Variants in MNAT1 observed in about 807,000 individuals in gnomAD.
The protein encoded by MNAT1 is CDK-activating kinase assembly factor MAT1.
In MNAT1, 43 loss-of-function variants were observed where a neutral mutation model predicts 42.0. The observed-to-expected ratio is 1.02, with a 90% CI of 0.80 to 1.32. The LOEUF (loss-of-function observed/expected upper bound fraction) is 1.32. MNAT1 is among the 40% of genes most tolerant of loss of function. MNAT1 has a pLI of 0.00. For missense variants in MNAT1, 306 were observed against 350.4 expected (o/e 0.87, Z 1.01); for synonymous variants, 118 against 120.0 (o/e 0.98, Z 0.11).
At chr14:60,809,787 TG>T (rs1367629446) in intron 4 of MNAT1, among the ~76,000 whole-genome samples, 2 of 152,178 alleles carry the variant, frequency 1.3e-5, no homozygotes, top group African/African-American at 4.8e-5. Flanking sequence ...TTTGCATTTT[TG>T]TTCATCAGGG....
intron 6 of MNAT1, among the ~76,000 whole-genome samples, chr14:60,871,161 A>G (rs978029364): frequency 5.3e-5 from 8 of 152,210 alleles, no homozygotes; most frequent in Admixed American, 2.0e-4. Flanking sequence ...ATATGAATGT[A>G]CCACCCCATT....
At chr14:60,889,471 A>T (rs1314621849) in intron 7 of MNAT1, among the ~76,000 whole-genome samples, 1 of 152,166 alleles carries the variant, frequency 6.6e-6, no homozygotes, top group East Asian at 1.9e-4. Flanking sequence ...TAAAGACTTA[A>T]ACGTTAGATC....
intron 7 of MNAT1, among the ~76,000 whole-genome samples, chr14:60,962,985 T>G (rs71416080): frequency 6.6e-6 from 1 of 152,108 alleles, no homozygotes; most frequent in African/African-American, 2.4e-5. Flanking sequence ...ATGTTTTTTG[T>G]TTTTTGTTTT....
intron 6 of MNAT1, among the ~76,000 whole-genome samples, chr14:60,847,300 A>G (rs1443812018): frequency 6.6e-6 from 1 of 151,362 alleles, no homozygotes. Context: ...GCTACTCAGG[A>G]GGCTGAGGCA....
intron 7 of MNAT1, among the ~76,000 whole-genome samples, chr14:60,918,140 A>G (rs2035568314): frequency 6.7e-6 from 1 of 150,006 alleles, no homozygotes; most frequent in Admixed American, 6.7e-5. Context: ...TAATTGCAAA[A>G]GATTCTCACT....
rs142190781 is a variant in MNAT1 at position 60,932,578 on chromosome 14, T to C, written c.810-35651T>C. Among the ~76,000 whole-genome samples, 814 of 152,126 alleles carry C rather than the reference T, an allele frequency of 5.4e-3. 7 individuals carry two copies. Among genetic ancestry groups the C allele is most frequent in the African/African-American group, 0.018 (762 of 41,556 alleles). Reference sequence around the variant, plus strand: ...TTTTCTTTATTCTTTAAATGTTAGATAGATTTTAGTTTACCACTTTAGAAA... The same window carrying C: ...TTTTCTTTATTCTTTAAATGTTAGACAGATTTTAGTTTACCACTTTAGAAA... On this transcript the variant is annotated intron_variant, in intron 7 of 7. Transcript: ENST00000261245.
intron 1 of MNAT1, among the ~76,000 whole-genome samples, chr14:60,741,811 A>G (rs1452741003): frequency 6.6e-6 from 1 of 151,710 alleles, no homozygotes; most frequent in Non-Finnish European, 1.5e-5. Context: ...CCTGGCCCCC[A>G]TCCATTTACT....
chr14:60,928,165 G>A (rs769389238), intron 7 of MNAT1, among the ~76,000 whole-genome samples: 1 of 152,030 alleles, frequency 6.6e-6, no homozygotes, highest in Non-Finnish European at 1.5e-5. Context: ...TGTTTCTGAG[G>A]TTCATATTGT....
At chr14:60,946,569 T>C (rs916440272) in intron 7 of MNAT1, among the ~76,000 whole-genome samples, 1 of 152,178 alleles carries the variant, frequency 6.6e-6, no homozygotes, top group Non-Finnish European at 1.5e-5. Flanking sequence ...CTGAATCCTT[T>C]TGGCCAGTTC....
In MNAT1 at chr14:60,818,728, T is replaced by G. The variant is rs1482994632; in HGVS notation, c.568T>G (p.Ser190Ala). ...ACTTGAACTATTCTTACAGGAGAGT[T>G]CTGATCTCCCTGTTGCTCTGCTTTT... ...KQAFLDELES[S>A]DLPVALLLAQ... is the part of the protein sequence containing the mutation. The change falls in exon 6 of 8, where the codon TCT becomes GCT. Residue 190 changes from serine to alanine, a missense_variant. This residue lies in a region of MNAT1 where 118 missense variants were observed against 99.8 expected (regional missense o/e 1.18). Coordinates refer to ENST00000261245, the MANE Select transcript of MNAT1 (RefSeq NM_002431.4). 6.2e-7 allele frequency: 1 copy of G among 1,608,064 alleles called. No homozygotes were observed. Among genetic ancestry groups the G allele is most frequent in the South Asian group, 1.1e-5 (1 of 90,096 alleles).
intron 7 of MNAT1, among the ~76,000 whole-genome samples, chr14:60,922,514 AT>A (rs1443078721): frequency 6.6e-6 from 1 of 152,026 alleles, no homozygotes; most frequent in Non-Finnish European, 1.5e-5. Context: ...TAAATCTTTT[AT>A]TTTTTGGCCT....
At chr14:60,763,402 T>C (rs1359338565) in intron 1 of MNAT1, among the ~76,000 whole-genome samples, 1 of 152,190 alleles carries the variant, frequency 6.6e-6, no homozygotes, top group Non-Finnish European at 1.5e-5. Flanking sequence ...ATGCTCTTTA[T>C]GCTGGAAGAG....
intron 7 of MNAT1, among the ~76,000 whole-genome samples, chr14:60,942,228 A>G (rs958642741): frequency 6.6e-6 from 1 of 152,030 alleles, no homozygotes; most frequent in African/African-American, 2.4e-5. Flanking sequence ...CAAAAAGCAC[A>G]TCTATCTTTA....
intron 1 of MNAT1, among the ~76,000 whole-genome samples, chr14:60,787,638 C>T (rs2031692074): frequency 6.6e-6 from 1 of 152,200 alleles, no homozygotes; most frequent in South Asian, 2.1e-4. Context: ...GGAATCAATT[C>T]TCAAACCTTG....
At chr14:60,747,123 T>C (rs1388303134) in intron 1 of MNAT1, among the ~76,000 whole-genome samples, 12 of 150,532 alleles carry the variant, frequency 8.0e-5, no homozygotes, top group Non-Finnish European at 1.2e-4. Flanking sequence ...GTAGCTGGAC[T>C]ACAGGTGCCC....
At chr14:60,936,198 G>C (rs572198342) in intron 7 of MNAT1, among the ~76,000 whole-genome samples, 3 of 152,286 alleles carry the variant, frequency 2.0e-5, no homozygotes, top group Admixed American at 2.0e-4. Context: ...GGGCTGTTCA[G>C]AGATTCTCCG....
At chr14:60,766,799 TGGGGA>T (rs966892843) in intron 1 of MNAT1, among the ~76,000 whole-genome samples, 1 of 152,216 alleles carries the variant, frequency 6.6e-6, no homozygotes, top group African/African-American at 2.4e-5. Flanking sequence ...GATTTCATTT[TGGGGA>T]GGCTTATTAA....
At chr14:60,925,995 G>A (rs576499616) in intron 7 of MNAT1, among the ~76,000 whole-genome samples, 3 of 152,262 alleles carry the variant, frequency 2.0e-5, no homozygotes, top group East Asian at 3.9e-4. Context: ...ATTGCTCAGT[G>A]TAAGAGGAGA....
At chr14:60,941,610 G>A (rs2139589760) in intron 7 of MNAT1, among the ~76,000 whole-genome samples, 1 of 151,876 alleles carries the variant, frequency 6.6e-6, no homozygotes, top group East Asian at 1.9e-4. Flanking sequence ...GGAGGGAGAG[G>A]AGGGAGGATC....
Sources: allele counts gnomAD v4.1 joint callset (sites outside exome capture counted in the v4.1 genomes callset), GRCh38; gene constraint gnomAD v4.1.1; regional missense constraint gnomAD v4.1.1; transcripts MANE v1.5; gene names NCBI Gene and HGNC (gene_info 2026-07-23, HGNC 2026-07-21).